Variants in PPP2R2B observed in about 807,000 individuals in gnomAD.
PPP2R2B encodes protein phosphatase 2 regulatory subunit Bbeta.
A neutral mutation model predicts 46.0 loss-of-function variants in PPP2R2B; 5 were observed. The ratio of observed to expected loss-of-function variants is 0.11; its 90% confidence interval spans 0.06 to 0.23. The LOEUF (loss-of-function observed/expected upper bound fraction) is 0.23. PPP2R2B is among the 10% of genes least tolerant of loss of function. The probability of loss-of-function intolerance (pLI) is 1.00; values close to 1 mark genes in which losing one functional copy is unlikely to be tolerated. For synonymous variants in PPP2R2B, 215 were observed against 206.7 expected (o/e 1.04, Z -0.34); for missense variants, 367 against 575.0 (o/e 0.64, Z 3.70).
chr5:146,808,622 G>A (rs1008315004), intron 2 of PPP2R2B, among the ~76,000 whole-genome samples: 1 of 152,146 alleles, frequency 6.6e-6, no homozygotes, highest in African/African-American at 2.4e-5. Context: ...CCTAGAAGCC[G>A]GGGCTCTGGC....
At chr5:146,693,854 T>G (rs1000279376) in intron 4 of PPP2R2B, among the ~76,000 whole-genome samples, 3 of 152,254 alleles carry the variant, frequency 2.0e-5, no homozygotes, top group African/African-American at 7.2e-5. Flanking sequence ...CATGTTGCTC[T>G]GACAGCTTTA....
chr5:146,844,327 C>T (rs1016757168), intron 2 of PPP2R2B, among the ~76,000 whole-genome samples: 9 of 146,716 alleles, frequency 6.1e-5, no homozygotes, highest in African/African-American at 2.3e-4. Context: ...ACAATGTGCA[C>T]ATGTACCCTA....
chr5:146,814,500 C>T (rs1362055620), intron 2 of PPP2R2B, among the ~76,000 whole-genome samples: 1 of 152,126 alleles, frequency 6.6e-6, no homozygotes, highest in Admixed American at 6.6e-5. Flanking sequence ...GGAAAGGCAC[C>T]CAATAGATGG....
At chr5:146,675,953 T>C (rs1777683014) in intron 5 of PPP2R2B, among the ~76,000 whole-genome samples, 1 of 151,964 alleles carries the variant, frequency 6.6e-6, no homozygotes, top group Non-Finnish European at 1.5e-5. Context: ...GCTTATCTTT[T>C]CCTTTGTGTA....
At chr5:146,894,531 A>G (rs1762585535) in intron 1 of PPP2R2B, among the ~76,000 whole-genome samples, 1 of 152,102 alleles carries the variant, frequency 6.6e-6, no homozygotes, top group Non-Finnish European at 1.5e-5. Context: ...CCTTGACCTC[A>G]TAGGTTCAAG....
chr5:146,606,083 A>G (rs77407323), intron 7 of PPP2R2B, among the ~76,000 whole-genome samples: 4,390 of 152,322 alleles, frequency 0.029, 69 homozygotes, highest in African/African-American at 0.05. Context: ...ATTAAGAAGA[A>G]GACTGCCAAC....
chr5:146,770,088 G>C (rs1754748186), intron 2 of PPP2R2B, among the ~76,000 whole-genome samples: 1 of 151,950 alleles, frequency 6.6e-6, no homozygotes, highest in Non-Finnish European at 1.5e-5. Flanking sequence ...TAGCATTTTG[G>C]GAGGCCGAGG....
intron 2 of PPP2R2B, among the ~76,000 whole-genome samples, chr5:146,809,203 A>G (rs1441850564): frequency 6.6e-6 from 1 of 152,188 alleles, no homozygotes; most frequent in South Asian, 2.1e-4. Flanking sequence ...TGTGGCCGTC[A>G]GGCTTTCTGC....
At chr5:147,018,039 G>A (rs62377584) in intron 1 of PPP2R2B, among the ~76,000 whole-genome samples, 54 of 64,948 alleles carry the variant, frequency 8.3e-4, no homozygotes, top group African/African-American at 2.2e-3. Context: ...ACATGCATGC[G>A]CGCGCACACA....
At chr5:147,041,080 C>A (rs1756272393) in intron 1 of PPP2R2B, among the ~76,000 whole-genome samples, 1 of 152,196 alleles carries the variant, frequency 6.6e-6, no homozygotes, top group African/African-American at 2.4e-5. Flanking sequence ...CAAAACACCA[C>A]TCTGGAGTCC....
In PPP2R2B at chr5:146,615,531, GA is replaced by G. The variant is rs1253673718; in HGVS notation, c.791-15072del. On this transcript the variant is annotated intron_variant, in intron 7 of 9. Coordinates refer to ENST00000394411, the MANE Select transcript of PPP2R2B (RefSeq NM_181675.4). The stretch of plus-strand genomic sequence containing the variant: ...AAAAAAAATTAAAAAAAAAAAAAAA[GA>G]AAAAAAAAACTATTAGAACTGAAAA... 1.8e-3 allele frequency among the ~76,000 whole-genome samples: 201 copies of G among 111,174 alleles called. 1 individual carries two copies. The highest frequency in any genetic ancestry group is 0.017 in the Middle Eastern group (3 of 180). 72.9% of individuals were successfully genotyped at this position (111,174 alleles called of 152,430 possible). A position where few individuals can be genotyped will look rare whatever the true frequency, so the allele number is the denominator to read the frequency against.
At chr5:146,953,873 A>C (rs1445657009) in intron 1 of PPP2R2B, among the ~76,000 whole-genome samples, 1 of 152,220 alleles carries the variant, frequency 6.6e-6, no homozygotes, top group Non-Finnish European at 1.5e-5. Context: ...TATTTTAATA[A>C]GACATTCAAA....
At chr5:146,599,805 C>T (rs183077123) in intron 8 of PPP2R2B, among the ~76,000 whole-genome samples, 7 of 152,340 alleles carry the variant, frequency 4.6e-5, no homozygotes, top group Admixed American at 1.3e-4. Flanking sequence ...CTGAGCCCCC[C>T]ACCCTCTGAC....
chr5:146,812,811 A>ATATATG lies in PPP2R2B; in HGVS notation c.70+65190_70+65191insCATATA, dbSNP rs1378301734. On this transcript the variant is annotated intron_variant, in intron 2 of 9. Coordinates refer to ENST00000394411, the MANE Select transcript of PPP2R2B (RefSeq NM_181675.4). The stretch of plus-strand genomic sequence containing the variant: ...TATGTGTGTATATATATATATATAT[A>ATATATG]TATATATATATATATATACACACAC... Among the ~76,000 whole-genome samples the ATATATG allele has an allele frequency of 3.0e-4, 20 of 67,380 alleles. 2 individuals are homozygous for ATATATG. The highest frequency in any genetic ancestry group is 5.6e-4 in the Admixed American group (3 of 5,354). The allele number at this position is 67,380 out of a possible 152,430, so 44.2% of individuals were successfully genotyped here.
At chr5:147,037,938 GT>G (rs2151895225) in intron 1 of PPP2R2B, among the ~76,000 whole-genome samples, 1 of 152,278 alleles carries the variant, frequency 6.6e-6, no homozygotes, top group African/African-American at 2.4e-5. Context: ...CCTAATAAAT[GT>G]TTGTTGAGGG....
chr5:147,077,124 A>G (rs1348038237), intron 2 of PPP2R2B, among the ~76,000 whole-genome samples: 4 of 132,906 alleles, frequency 3.0e-5, no homozygotes, highest in African/African-American at 9.7e-5. Context: ...AATATTGTAT[A>G]TTGTATATGT....
intron 1 of PPP2R2B, among the ~76,000 whole-genome samples, chr5:146,931,641 T>C (rs6882898): frequency 0.22 from 34,003 of 152,044 alleles, 4,081 homozygotes; most frequent in East Asian, 0.38. Context: ...TTGAAGTCAC[T>C]TTTAGCTTCT....
At chr5:146,619,301 C>G (rs1038128249) in intron 7 of PPP2R2B, among the ~76,000 whole-genome samples, 1 of 120,784 alleles carries the variant, frequency 8.3e-6, no homozygotes, top group African/African-American at 3.8e-5. Flanking sequence ...CCCGTCTCTA[C>G]TAAAAAAAAA....
intron 2 of PPP2R2B, among the ~76,000 whole-genome samples, chr5:146,865,696 G>A (rs966421663): frequency 1.5e-4 from 23 of 152,188 alleles, no homozygotes; most frequent in African/African-American, 5.6e-4. Context: ...ATGGCTATGT[G>A]TGAGGACTCT....
Sources: gnomAD v4.1 joint callset for allele counts (sites outside exome capture counted in the v4.1 genomes callset) on GRCh38, gnomAD v4.1.1 for gene constraint, MANE v1.5 for transcripts, NCBI Gene and HGNC (gene_info 2026-07-23, HGNC 2026-07-21) for gene names.